Variants in MIPOL1 observed in about 807,000 individuals in gnomAD.
The protein encoded by MIPOL1 is mirror-image polydactyly 1.
MIPOL1 carries 57 observed loss-of-function variants against 60.9 expected under a neutral mutation model. That is an observed-to-expected ratio of 0.94 (90% confidence interval 0.76 to 1.17). The LOEUF (loss-of-function observed/expected upper bound fraction) is 1.17, where lower values mean the gene tolerates loss of function less well. Among genes scored for constraint, MIPOL1 ranks in the 50% most tolerant of loss-of-function variants. MIPOL1 has a pLI of 0.00. For synonymous variants in MIPOL1, 179 were observed against 168.8 expected, an observed-to-expected ratio of 1.06 and a Z score of -0.47; for missense variants, 551 against 511.6, an observed-to-expected ratio of 1.08 and a Z score of -0.74.
At chr14:37,426,584 T>TATAC (rs1555339884) in intron 11 of MIPOL1, among the ~76,000 whole-genome samples, 4 of 137,234 alleles carry the variant, frequency 2.9e-5, no homozygotes, top group African/African-American at 1.1e-4. Context: ...TATATATATA[T>TATAC]ATATATATAT....
chr14:37,345,694 C>T (rs2090899596), intron 9 of MIPOL1, among the ~76,000 whole-genome samples: 1 of 152,078 alleles, frequency 6.6e-6, no homozygotes, highest in Non-Finnish European at 1.5e-5. Flanking sequence ...AGCCCATATT[C>T]CAGGTGCTAG....
At chr14:37,287,962 A>G (rs190901839) in intron 7 of MIPOL1, among the ~76,000 whole-genome samples, 1 of 151,978 alleles carries the variant, frequency 6.6e-6, no homozygotes, top group Admixed American at 6.6e-5. Context: ...AATTGACAAG[A>G]TCATGTGACT....
chr14:37,283,257 G>A lies in MIPOL1; in HGVS notation c.494-2061G>A, dbSNP rs186542830. 1.6e-3 allele frequency among the ~76,000 whole-genome samples: 247 copies of A among 152,110 alleles called. 1 individual carries two copies. Among genetic ancestry groups the A allele is most frequent in the African/African-American group, 5.6e-3 (233 of 41,504 alleles). Reference sequence around the variant, plus strand: ...ATTTTTTGTATTTTTAGTAGAGATGGGGTTTTGCCATGTTGGCCAAGCTGG... The same window carrying A: ...ATTTTTTGTATTTTTAGTAGAGATGAGGTTTTGCCATGTTGGCCAAGCTGG... On this transcript the variant is annotated intron_variant, in intron 6 of 12. Transcript: ENST00000684589.
chr14:37,448,568 C>CA (rs2094371857), intron 11 of MIPOL1, among the ~76,000 whole-genome samples: 1 of 151,998 alleles, frequency 6.6e-6, no homozygotes, highest in African/African-American at 2.4e-5. Flanking sequence ...TTACAGCTAG[C>CA]AAAAAAATAA....
intron 9 of MIPOL1, among the ~76,000 whole-genome samples, chr14:37,337,352 A>G (rs1206653957): frequency 2.8e-5 from 1 of 35,458 alleles, no homozygotes; most frequent in African/African-American, 1.5e-4. Context: ...ATATATATAT[A>G]TATATTTTTT....
At chr14:37,552,084 G>A (rs909313539), downstream of MIPOL1, 7 of 152,066 alleles carry the variant, frequency 4.6e-5, no homozygotes, top group African/African-American at 7.2e-5. Context: ...ATCACCTGGA[G>A]TGAACTTAGA....
chr14:37,539,113 A>C (rs1486879769), intron 12 of MIPOL1, among the ~76,000 whole-genome samples: 1 of 151,930 alleles, frequency 6.6e-6, no homozygotes, highest in Non-Finnish European at 1.5e-5. Flanking sequence ...GAGGCAGGAG[A>C]ATGGCGTGAA....
At chr14:37,266,421 T>G (rs1006266217) in intron 3 of MIPOL1, among the ~76,000 whole-genome samples, 4 of 152,176 alleles carry the variant, frequency 2.6e-5, no homozygotes, top group Admixed American at 2.6e-4. Context: ...TCTTAAAATC[T>G]GAATGACAAA....
intron 1 of MIPOL1, among the ~76,000 whole-genome samples, chr14:37,234,295 A>G (rs1365586089): frequency 6.6e-6 from 1 of 150,692 alleles, no homozygotes; most frequent in Non-Finnish European, 1.5e-5. Context: ...GAGGTGAACA[A>G]TCTGCTGCAG....
chr14:37,250,702 C>T (rs944656318), intron 3 of MIPOL1, among the ~76,000 whole-genome samples: 7 of 152,040 alleles, frequency 4.6e-5, no homozygotes, highest in Non-Finnish European at 8.8e-5. Context: ...TGCTTCAAAG[C>T]GCTATCTTAC....
chr14:37,302,262 G>GTTTTTTT (rs57468146), intron 7 of MIPOL1, among the ~76,000 whole-genome samples: 8 of 95,050 alleles, frequency 8.4e-5, no homozygotes, highest in African/African-American at 2.3e-4. Flanking sequence ...TGGAACTGTT[G>GTTTTTTT]TTTTTTTTTT....
chr14:37,378,147 A>G (rs548992540), intron 10 of MIPOL1, among the ~76,000 whole-genome samples: 72 of 152,208 alleles, frequency 4.7e-4, no homozygotes, highest in South Asian at 3.9e-3. Context: ...TATAAAGTTA[A>G]ATTTATACTT....
chr14:37,274,490 ATATT>A (rs1394023243), intron 6 of MIPOL1, among the ~76,000 whole-genome samples: 1 of 151,420 alleles, frequency 6.6e-6, no homozygotes, highest in East Asian at 1.9e-4. Context: ...AATCAAACAA[ATATT>A]TATTGTGGAC....
chr14:37,469,666 G>A (rs573349254), intron 11 of MIPOL1, among the ~76,000 whole-genome samples: 34 of 152,300 alleles, frequency 2.2e-4, no homozygotes, highest in African/African-American at 7.9e-4. Flanking sequence ...ATATTAAGAG[G>A]TGGGCCTTTA....
At chr14:37,417,347 C>T (rs2093788537) in intron 10 of MIPOL1, among the ~76,000 whole-genome samples, 1 of 152,160 alleles carries the variant, frequency 6.6e-6, no homozygotes, top group Non-Finnish European at 1.5e-5. Context: ...TATCACTCGA[C>T]AGTGTATATA....
intron 11 of MIPOL1, among the ~76,000 whole-genome samples, chr14:37,425,324 A>G (rs1016184905): frequency 6.6e-6 from 1 of 152,214 alleles, no homozygotes; most frequent in African/African-American, 2.4e-5. Flanking sequence ...ATTGTGGAAG[A>G]TGATTAAATC....
intron 7 of MIPOL1, among the ~76,000 whole-genome samples, chr14:37,297,512 A>G (rs2085862592): frequency 6.6e-6 from 1 of 152,196 alleles, no homozygotes; most frequent in Non-Finnish European, 1.5e-5. Flanking sequence ...AGGAAGTCAA[A>G]TTGTCCCTGT....
intron 1 of MIPOL1, among the ~76,000 whole-genome samples, chr14:37,232,096 A>G (rs1970723728): frequency 6.6e-6 from 1 of 152,048 alleles, no homozygotes; most frequent in African/African-American, 2.4e-5. Flanking sequence ...AAAAATTAAA[A>G]TAAAAAATAA....
intron 10 of MIPOL1, among the ~76,000 whole-genome samples, chr14:37,397,389 AG>A (rs1434460785): frequency 2.4e-5 from 2 of 84,954 alleles, no homozygotes; most frequent in Non-Finnish European, 5.1e-5. Context: ...GGGAGTGGGG[AG>A]GGGGGAATGG....
Sources: gnomAD v4.1 joint callset for allele counts (sites outside exome capture counted in the v4.1 genomes callset) on GRCh38, gnomAD v4.1.1 for gene constraint, MANE v1.5 for transcripts, NCBI Gene and HGNC (gene_info 2026-07-23, HGNC 2026-07-21) for gene names.